PLCL1: variants seen among roughly 807,000 people sequenced by gnomAD.
PLCL1 encodes inactive phospholipase C-like protein 1.
A neutral mutation model predicts 84.4 loss-of-function variants in PLCL1; 41 were observed. The ratio of observed to expected loss-of-function variants is 0.49; its 90% confidence interval spans 0.38 to 0.63. PLCL1 has a LOEUF of 0.63. PLCL1 is among the 30% of genes least tolerant of loss of function. The pLI is 0.00. For missense variants in PLCL1, 1,206 were observed against 1,367.8 expected, an observed-to-expected ratio of 0.88 and a Z score of 1.87; for synonymous variants, 490 against 488.3, an observed-to-expected ratio of 1.00 and a Z score of -0.05.
chr2:197,985,173 G>C (rs956485471), intron 1 of PLCL1, among the ~76,000 whole-genome samples: 1 of 152,172 alleles, frequency 6.6e-6, no homozygotes, highest in Non-Finnish European at 1.5e-5. Context: ...AATCCTACTA[G>C]CTGTGTAACT....
intron 1 of PLCL1, among the ~76,000 whole-genome samples, chr2:197,935,326 A>G (rs897320773): frequency 6.6e-6 from 1 of 152,196 alleles, no homozygotes; most frequent in Non-Finnish European, 1.5e-5. Flanking sequence ...TATGACAACA[A>G]TATTCACAAT....
intron 1 of PLCL1, among the ~76,000 whole-genome samples, chr2:197,906,424 T>C (rs183259244): frequency 6.6e-6 from 1 of 152,244 alleles, no homozygotes; most frequent in Admixed American, 6.5e-5. Flanking sequence ...GGTCTATATC[T>C]CTGTTTTGGT....
intron 5 of PLCL1, among the ~76,000 whole-genome samples, chr2:198,113,985 A>G (rs1693681551): frequency 6.6e-6 from 1 of 151,850 alleles, no homozygotes; most frequent in Non-Finnish European, 1.5e-5. Context: ...TCTACAATTT[A>G]AAGCTGAAAA....
chr2:197,965,227 A>G (rs1216489601), intron 1 of PLCL1, among the ~76,000 whole-genome samples: 3 of 151,922 alleles, frequency 2.0e-5, no homozygotes, highest in Non-Finnish European at 4.4e-5. Flanking sequence ...TACAGCTTTG[A>G]TCTTTTGTTT....
At chr2:198,141,471 T>C (rs1199350606) in intron 5 of PLCL1, among the ~76,000 whole-genome samples, 1 of 131,556 alleles carries the variant, frequency 7.6e-6, no homozygotes, top group Non-Finnish European at 1.6e-5. Flanking sequence ...ACCAAGAGTG[T>C]AACATCAAAA....
At position 197,908,494 on chromosome 2, in the gene PLCL1, T is replaced by G. The variant is rs566042307; in HGVS notation, c.240+103155T>G. ...TCTTTGGAGTTATTCACAACAAGTCTACTTTCTCTTCCATGAGATAGTCTT... is the reference window on the plus strand; with the variant it reads ...TCTTTGGAGTTATTCACAACAAGTCGACTTTCTCTTCCATGAGATAGTCTT... On this transcript the variant is annotated intron_variant, in intron 1 of 5. Coordinates refer to ENST00000428675, the MANE Select transcript of PLCL1 (RefSeq NM_006226.4). 4.6e-5 allele frequency among the ~76,000 whole-genome samples: 7 copies of G among 152,362 alleles called. No individual in the cohort carries two copies. The East Asian group carries it at 1.3e-3, about 29-fold the overall frequency.
At chr2:197,851,430 G>A (rs1435580335) in intron 1 of PLCL1, among the ~76,000 whole-genome samples, 1 of 152,212 alleles carries the variant, frequency 6.6e-6, no homozygotes, top group Non-Finnish European at 1.5e-5. Flanking sequence ...AGTGATAGAA[G>A]TATTGATTAG....
intron 1 of PLCL1, among the ~76,000 whole-genome samples, chr2:198,062,000 G>A (rs777996863): frequency 2.0e-5 from 3 of 152,162 alleles, no homozygotes; most frequent in Non-Finnish European, 2.9e-5. Flanking sequence ...TGTCTAGCAC[G>A]GCAGTGGTTG....
intron 1 of PLCL1, among the ~76,000 whole-genome samples, chr2:198,027,352 GA>G (rs1691294438): frequency 6.6e-6 from 1 of 152,152 alleles, no homozygotes; most frequent in Non-Finnish European, 1.5e-5. Flanking sequence ...GGAGCTGGGG[GA>G]ATGGAGGAAT....
intron 1 of PLCL1, among the ~76,000 whole-genome samples, chr2:198,025,123 C>A (rs1339762902): frequency 2.6e-5 from 4 of 151,942 alleles, no homozygotes; most frequent in Admixed American, 1.3e-4. Flanking sequence ...AAAACTTGTA[C>A]ATGATTCCAA....
chr2:197,845,662 C>T (rs1444895864), intron 1 of PLCL1, among the ~76,000 whole-genome samples: 1 of 152,090 alleles, frequency 6.6e-6, no homozygotes, highest in Non-Finnish European at 1.5e-5. Flanking sequence ...CATCCTAAAA[C>T]TCTGATTACC....
intron 3 of PLCL1, among the ~76,000 whole-genome samples, chr2:198,090,921 A>T (rs1452160799): frequency 6.6e-6 from 1 of 152,112 alleles, no homozygotes; most frequent in Non-Finnish European, 1.5e-5. Flanking sequence ...ACAGTGTCTT[A>T]TTTTTTGTTT....
intron 1 of PLCL1, among the ~76,000 whole-genome samples, chr2:197,869,372 TTTC>T (rs1687605662): frequency 2.0e-5 from 3 of 152,172 alleles, no homozygotes. Flanking sequence ...TACGTATCTT[TTTC>T]TTTTTTTTTT....
intron 5 of PLCL1, among the ~76,000 whole-genome samples, chr2:198,106,087 C>T (rs1231185373): frequency 6.6e-6 from 1 of 151,882 alleles, no homozygotes; most frequent in African/African-American, 2.4e-5. Context: ...AATACTCACA[C>T]CAACTCAGTA....
chr2:197,908,138 A>G (rs1280425380), intron 1 of PLCL1, among the ~76,000 whole-genome samples: 3 of 152,220 alleles, frequency 2.0e-5, no homozygotes, highest in Non-Finnish European at 4.4e-5. Context: ...CCTTTTACTG[A>G]GATAGCAAAA....
At chr2:198,017,419 C>A (rs1691024185) in intron 1 of PLCL1, among the ~76,000 whole-genome samples, 1 of 152,226 alleles carries the variant, frequency 6.6e-6, no homozygotes, top group Non-Finnish European at 1.5e-5. Context: ...CAGAGGTTGT[C>A]TTCCATCCTA....
rs1691165278 is a variant in PLCL1, at chr2:198,022,617, G to T, written c.241-61141G>T. Among the ~76,000 whole-genome samples, 3 of 152,158 alleles carry T rather than the reference G, an allele frequency of 2.0e-5. No homozygotes were observed. The South Asian group carries it at 6.2e-4, about 32-fold the overall frequency. On this transcript the variant is annotated intron_variant, in intron 1 of 5. Coordinates refer to ENST00000428675, the MANE Select transcript of PLCL1 (RefSeq NM_006226.4). The stretch of plus-strand genomic sequence containing the variant: ...TACACACCAATAACAGACAAACAGA[G>T]GGACAAATCATGAGCAAACTCCCAT...
chr2:197,911,547 A>G (rs575608499), intron 1 of PLCL1, among the ~76,000 whole-genome samples: 2 of 152,204 alleles, frequency 1.3e-5, no homozygotes, highest in East Asian at 3.9e-4. Flanking sequence ...ATTGTACTTT[A>G]TTTACCTTTG....
chr2:198,093,017 C>G (rs1329740792), intron 3 of PLCL1, among the ~76,000 whole-genome samples: 1 of 152,148 alleles, frequency 6.6e-6, no homozygotes, highest in Non-Finnish European at 1.5e-5. Flanking sequence ...TTGATTTTAC[C>G]TCTCTGACAC....
Sources: allele counts gnomAD v4.1 joint callset (sites outside exome capture counted in the v4.1 genomes callset), GRCh38; gene constraint gnomAD v4.1.1; transcripts MANE v1.5; gene names NCBI Gene and HGNC (gene_info 2026-07-23, HGNC 2026-07-21).